The following UBE3B variants were observed in gnomAD, a reference collection of about 807,000 sequenced individuals.
UBE3B encodes the protein ubiquitin-protein ligase E3B.
Under a neutral mutation model 132.3 loss-of-function variants are expected in UBE3B, and 80 were observed. That is an observed-to-expected ratio of 0.60 (90% CI 0.50 to 0.73). The LOEUF (loss-of-function observed/expected upper bound fraction) is 0.73. Among genes scored for constraint, UBE3B ranks in the 30% least tolerant of loss-of-function variants. The pLI is 0.00. For synonymous variants in UBE3B, 487 were observed against 520.4 expected (o/e 0.94, Z 0.87); for missense variants, 1,196 against 1,362.5 (o/e 0.88, Z 1.92).
intron 18 of UBE3B, among the ~76,000 whole-genome samples, chr12:109,514,754 C>T (rs1212676940): frequency 6.6e-6 from 1 of 151,910 alleles, no homozygotes; most frequent in African/African-American, 2.4e-5. Flanking sequence ...CCCTGTGTCC[C>T]CAATCTGTCC....
intron 1 of UBE3B, among the ~76,000 whole-genome samples, chr12:109,478,329 G>C (rs1312680666): frequency 4.6e-5 from 7 of 152,080 alleles, no homozygotes; most frequent in African/African-American, 1.7e-4. Context: ...GGGAGCCCTG[G>C]ATCTTGTTTG....
At chr12:109,544,489 A>C in the UBE3B span, among the ~76,000 whole-genome samples, 1 of 152,142 alleles carries the variant, frequency 6.6e-6, no homozygotes, top group Admixed American at 6.5e-5. Flanking sequence ...ACGCCAAATC[A>C]ACTGTCAAAA....
chr12:109,528,214 A>T, intron 24 of UBE3B: 1 of 502,630 alleles, frequency 2.0e-6, no homozygotes, highest in Non-Finnish European at 2.6e-6. Flanking sequence ...TAGGGGTGAT[A>T]CTTGATCTTG....
At chr12:109,545,468 G>A in the UBE3B span, among the ~76,000 whole-genome samples, 7 of 152,342 alleles carry the variant, frequency 4.6e-5, no homozygotes, top group Admixed American at 2.6e-4. Flanking sequence ...TGTGATCAGC[G>A]TCCCTGGCAT....
At chr12:109,489,793 A>T in intron 7 of UBE3B, 126 bp from the exon 8 acceptor site, 2 of 828,896 alleles carry the variant, frequency 2.4e-6, no homozygotes, top group Non-Finnish European at 4.0e-6. Context: ...CTAAGGGAAA[A>T]GGGAGGCAAG....
At chr12:109,514,520 C>T (rs1435339270) in intron 18 of UBE3B, among the ~76,000 whole-genome samples, 5 of 152,190 alleles carry the variant, frequency 3.3e-5, no homozygotes, top group Non-Finnish European at 7.3e-5. Context: ...TCTGCTATCT[C>T]CACCCCATAC....
Position 109,521,950 on chromosome 12 carries a change from G to T in UBE3B, c.2364+399G>T, listed in dbSNP as rs1369519859. 6.6e-6 allele frequency among the ~76,000 whole-genome samples: 1 copy of T among 152,186 alleles called. No homozygotes were observed. Among genetic ancestry groups the T allele is most frequent in the African/African-American group, 2.4e-5 (1 of 41,434 alleles). On this transcript the variant is annotated intron_variant, in intron 21 of 27. Transcript: ENST00000342494. This position sits in a 1 kb window ranked among gnomAD's most constrained non-coding sequence, Gnocchi z 4.2. ...TGCAGAGCCAGATGGCCACACGGAGGCTGGGTCCCCGTTGTAGGAGGGCAG... is the reference window on the plus strand; with the variant it reads ...TGCAGAGCCAGATGGCCACACGGAGTCTGGGTCCCCGTTGTAGGAGGGCAG...
intron 18 of UBE3B, among the ~76,000 whole-genome samples, chr12:109,514,579 G>A (rs768091428): frequency 8.5e-4 from 129 of 152,148 alleles, no homozygotes; most frequent in Non-Finnish European, 8.2e-4. Context: ...TCACCAAACA[G>A]CACCCCTTCA....
intron 19 of UBE3B, among the ~76,000 whole-genome samples, chr12:109,518,369 A>G (rs1458301572): frequency 6.6e-6 from 1 of 152,204 alleles, no homozygotes; most frequent in Admixed American, 6.5e-5. Flanking sequence ...GAGAAGGCCA[A>G]AATTCAGATC....
Position 109,535,095 on chromosome 12 carries a change from T to G in UBE3B, c.*313T>G. 4.0e-6 allele frequency: 1 copy of G among 247,922 alleles called. No homozygotes were observed. The allele number at this position is 247,922 out of a possible 1,614,324, so 15.4% of individuals were successfully genotyped here. Reference sequence around the variant, plus strand: ...AGTTTGATCTTTTGGGAGTCTGTCTTTCCTTAGCCGTCTGAGTGAGCTGTG... The same window carrying G: ...AGTTTGATCTTTTGGGAGTCTGTCTGTCCTTAGCCGTCTGAGTGAGCTGTG... On this transcript the variant is annotated 3_prime_UTR_variant, in exon 28 of 28. Coordinates refer to ENST00000342494, the MANE Select transcript of UBE3B (RefSeq NM_130466.4).
intron 8 of UBE3B, chr12:109,490,722 A>T: frequency 7.0e-7 from 1 of 1,424,860 alleles, no homozygotes; most frequent in Non-Finnish European, 9.1e-7. Context: ...TCTAACCATA[A>T]TATTTAGAGA....
At chr12:109,513,568 G>C (rs1242589793) in intron 18 of UBE3B, among the ~76,000 whole-genome samples, 2 of 152,114 alleles carry the variant, frequency 1.3e-5, no homozygotes, top group African/African-American at 4.8e-5. Context: ...GATTTCTTTT[G>C]GCCTAGGAGT....
At chr12:109,505,855 C>G (rs1325797283) in intron 14 of UBE3B, among the ~76,000 whole-genome samples, 4 of 152,156 alleles carry the variant, frequency 2.6e-5, no homozygotes, top group Non-Finnish European at 5.9e-5. Context: ...GTTCTTTATT[C>G]AAAACTAAAT....
At chr12:109,532,607 C>T (rs1883047494) in intron 26 of UBE3B, among the ~76,000 whole-genome samples, 1 of 152,192 alleles carries the variant, frequency 6.6e-6, no homozygotes, top group African/African-American at 2.4e-5. Flanking sequence ...CACTCCTGTG[C>T]AAGTTTATCA....
chr12:109,516,273 G>A (rs1399696251), intron 18 of UBE3B, among the ~76,000 whole-genome samples: 6 of 146,940 alleles, frequency 4.1e-5, no homozygotes, highest in African/African-American at 1.5e-4. Flanking sequence ...CTGGGTTCAA[G>A]TGATTCTCCT....
intron 23 of UBE3B, 56 bp downstream of exon 23, chr12:109,524,559 C>T: frequency 6.3e-7 from 1 of 1,577,284 alleles, no homozygotes; most frequent in Non-Finnish European, 8.7e-7. Context: ...GCTCCTGAGA[C>T]CTGCCGTGTT....
chr12:109,493,454 A>T (rs576502683), intron 9 of UBE3B, among the ~76,000 whole-genome samples: 4 of 152,358 alleles, frequency 2.6e-5, no homozygotes, highest in African/African-American at 9.6e-5. Flanking sequence ...GCTCACATCC[A>T]GTCATTCTAC....
Position 109,526,414 on chromosome 12 carries a change from T to C in UBE3B, c.2625T>C (p.Asn875=). Residue 875 remains asparagine, a splice_region_variant and synonymous_variant, in exon 24 of 28, where the codon AAT becomes AAC. Coordinates refer to ENST00000342494, the MANE Select transcript of UBE3B (RefSeq NM_130466.4). ...GGKTIPVTNE[N]KISYIHLMAH... ...AGACCATTCCTGTTACAAATGAAAATAAGTGAGTATAGCAATTAGGTTTTT... is the reference window on the plus strand; with the variant it reads ...AGACCATTCCTGTTACAAATGAAAACAAGTGAGTATAGCAATTAGGTTTTT... The C allele has an allele frequency of 1.2e-6, 2 of 1,614,054 alleles. No individual in the cohort carries two copies. Among genetic ancestry groups the C allele is most frequent in the East Asian group, 4.5e-5 (2 of 44,880 alleles).
chr12:109,489,897 TCTCA>T lies in UBE3B; in HGVS notation c.545-19_545-16del, dbSNP rs1235578597. The T allele has an allele frequency of 6.2e-6, 10 of 1,611,180 alleles. No individual in the cohort carries two copies. Among genetic ancestry groups the T allele is most frequent in the Admixed American group, 1.7e-5 (1 of 59,998 alleles). On this transcript the variant is annotated intron_variant, in intron 7 of 27. Transcript: ENST00000342494. Reference sequence around the variant, plus strand: ...ACATTATGGCAAGAGACTTTTTTGTTCTCACTGTTTTCTTTCTTTAGGTGAAAGT... The same window carrying T: ...ACATTATGGCAAGAGACTTTTTTGTTCTGTTTTCTTTCTTTAGGTGAAAGT...
Sources: gnomAD v4.1 joint callset for allele counts (sites outside exome capture counted in the v4.1 genomes callset) on GRCh38, gnomAD v4.1.1 for gene constraint, Gnocchi (gnomAD v3.1) non-coding constraint, MANE v1.5 for transcripts, NCBI Gene and HGNC (gene_info 2026-07-23, HGNC 2026-07-21) for gene names.